Variants in ZC3H12B observed in about 807,000 individuals in gnomAD.
ZC3H12B encodes the protein probable ribonuclease ZC3H12B.
In ZC3H12B, 7 loss-of-function variants were observed where a neutral mutation model predicts 43.9. That is an observed-to-expected ratio of 0.16 (90% CI 0.09 to 0.30). The LOEUF (loss-of-function observed/expected upper bound fraction) is 0.30, where lower values mean the gene tolerates loss of function less well. ZC3H12B is among the 10% of genes least tolerant of loss of function. The probability of loss-of-function intolerance (pLI) is 1.00; values close to 1 mark genes in which losing one functional copy is unlikely to be tolerated. For synonymous variants in ZC3H12B, 222 were observed against 241.7 expected, an observed-to-expected ratio of 0.92 and a Z score of 0.76; for missense variants, 475 against 670.2, an observed-to-expected ratio of 0.71 and a Z score of 3.22.
chrX:65,453,637 G>C (rs2148156426), intron 3 of ZC3H12B, among the ~76,000 whole-genome samples: 1 of 107,345 alleles, frequency 9.3e-6, no homozygotes, highest in East Asian at 3.0e-4. Context: ...TGGGATAATT[G>C]TTTGAACACA....
chrX:65,345,669 C>G, the ZC3H12B span, among the ~76,000 whole-genome samples: 2 of 111,120 alleles, frequency 1.8e-5, no homozygotes, highest in Admixed American at 9.7e-5. Context: ...CATAAAAAAT[C>G]TGCACATGTA....
intron 3 of ZC3H12B, among the ~76,000 whole-genome samples, chrX:65,414,773 G>C (rs1049116842): frequency 1.8e-5 from 2 of 112,111 alleles, no homozygotes; most frequent in African/African-American, 6.5e-5. Context: ...GATGGAATCA[G>C]ATAGATCTAA....
At chrX:65,412,139 C>T (rs1266823399) in intron 3 of ZC3H12B, among the ~76,000 whole-genome samples, 2 of 111,209 alleles carry the variant, frequency 1.8e-5, no homozygotes, top group African/African-American at 6.5e-5. Context: ...TAAGCAGTTT[C>T]TTCAATTCCC....
At chrX:65,268,529 C>G in the ZC3H12B span, among the ~76,000 whole-genome samples, 4 of 112,060 alleles carry the variant, frequency 3.6e-5, no homozygotes, top group Admixed American at 3.8e-4. Context: ...ATTAGCAAAT[C>G]AAATTCAATA....
the ZC3H12B span, among the ~76,000 whole-genome samples, chrX:65,147,273 G>A: frequency 8.9e-6 from 1 of 111,875 alleles, no homozygotes; most frequent in African/African-American, 3.2e-5. Context: ...CTGCTGGAAG[G>A]CTTGCTGCTG....
At chrX:65,284,835 C>T in the ZC3H12B span, among the ~76,000 whole-genome samples, 1 of 110,776 alleles carries the variant, frequency 9.0e-6, no homozygotes, top group African/African-American at 3.3e-5. Flanking sequence ...CTGCAGAATT[C>T]ATTGAAAGAA....
At chrX:65,047,229 C>T in the ZC3H12B span, among the ~76,000 whole-genome samples, 1 of 111,040 alleles carries the variant, frequency 9.0e-6, no homozygotes, top group African/African-American at 3.3e-5. Flanking sequence ...ATCTGCAAAT[C>T]GTGATAAAAT....
intron 3 of ZC3H12B, among the ~76,000 whole-genome samples, chrX:65,430,886 G>T (rs2067152539): frequency 9.0e-6 from 1 of 111,196 alleles, no homozygotes; most frequent in South Asian, 3.8e-4. Flanking sequence ...CATAGGTTGA[G>T]TTGTTTGCCT....
chrX:65,279,298 A>ATTTTTTTTTTTTTT, the ZC3H12B span, among the ~76,000 whole-genome samples: 1 of 79,279 alleles, frequency 1.3e-5, no homozygotes, highest in Non-Finnish European at 2.3e-5. Flanking sequence ...CCTTACCAGC[A>ATTTTTTTTTTTTTT]TTTTTTTTTT....
the ZC3H12B span, among the ~76,000 whole-genome samples, chrX:65,230,931 G>C: frequency 8.9e-6 from 1 of 112,089 alleles, no homozygotes; most frequent in Admixed American, 9.5e-5. Context: ...TCTATCTTTA[G>C]TATGAAGACT....
chrX:65,221,516 C>T, the ZC3H12B span, among the ~76,000 whole-genome samples: 1 of 111,128 alleles, frequency 9.0e-6, no homozygotes, highest in East Asian at 2.8e-4. Context: ...GATAATACAA[C>T]CAATATCACA....
chrX:65,220,947 G>C, the ZC3H12B span, among the ~76,000 whole-genome samples: 251 of 111,563 alleles, frequency 2.2e-3, 2 homozygotes, highest in African/African-American at 7.6e-3. Context: ...CCATATGATA[G>C]GCCACAAAAC....
the ZC3H12B span, among the ~76,000 whole-genome samples, chrX:65,215,024 C>A: frequency 1.8e-5 from 2 of 111,243 alleles, no homozygotes; most frequent in African/African-American, 6.5e-5. Context: ...CAAAAGAATT[C>A]TTTTTTCTAA....
intron 3 of ZC3H12B, among the ~76,000 whole-genome samples, chrX:65,402,490 G>T (rs1003511717): frequency 5.4e-5 from 6 of 111,536 alleles, no homozygotes; most frequent in Non-Finnish European, 9.4e-5. Context: ...GCCAGGAAGT[G>T]GTTACAACAG....
the ZC3H12B span, among the ~76,000 whole-genome samples, chrX:65,043,601 A>G: frequency 9.0e-6 from 1 of 111,273 alleles, no homozygotes; most frequent in African/African-American, 3.2e-5. Flanking sequence ...ATGTTAACAC[A>G]CTTTAAAAGA....
chrX:65,100,829 T>C, the ZC3H12B span, among the ~76,000 whole-genome samples: 1 of 110,448 alleles, frequency 9.1e-6, no homozygotes, highest in Non-Finnish European at 1.9e-5. Context: ...ACTGTCAACA[T>C]TGGATCAACG....
At chrX:65,340,948 C>A in the ZC3H12B span, among the ~76,000 whole-genome samples, 1 of 111,716 alleles carries the variant, frequency 9.0e-6, no homozygotes, top group African/African-American at 3.3e-5. Flanking sequence ...TCTAAGGAAG[C>A]TAAAAATCAA....
the ZC3H12B span, among the ~76,000 whole-genome samples, chrX:65,307,534 T>A: frequency 9.0e-6 from 1 of 111,624 alleles, no homozygotes; most frequent in African/African-American, 3.3e-5. Context: ...AGCCTATTAG[T>A]GAAAATAAAC....
chrX:65,461,849 A>T (rs769084868), intron 3 of ZC3H12B, among the ~76,000 whole-genome samples: 81 of 110,978 alleles, frequency 7.3e-4, no homozygotes, highest in African/African-American at 2.7e-3. Context: ...AGCATAATAA[A>T]AAAAATAAAA....
Sources: gnomAD v4.1 joint callset for allele counts (sites outside exome capture counted in the v4.1 genomes callset) on GRCh38, gnomAD v4.1.1 for gene constraint, MANE v1.5 for transcripts, NCBI Gene and HGNC (gene_info 2026-07-23, HGNC 2026-07-21) for gene names.